Variants in NUDCD1 observed in about 807,000 individuals in gnomAD.
NUDCD1 encodes NudC domain containing 1.
In NUDCD1, 60 loss-of-function variants were observed where a neutral mutation model predicts 67.8. The observed-to-expected ratio is 0.88, with a 90% CI of 0.72 to 1.10. The LOEUF (loss-of-function observed/expected upper bound fraction) is 1.10, where lower values mean the gene tolerates loss of function less well. Among genes scored for constraint, NUDCD1 ranks in the 50% least tolerant of loss-of-function variants. The probability of loss-of-function intolerance (pLI) is 0.00; values close to 1 mark genes in which losing one functional copy is unlikely to be tolerated. For synonymous variants in NUDCD1, 244 were observed against 230.8 expected, an observed-to-expected ratio of 1.06 and a Z score of -0.52; for missense variants, 643 against 695.0, an observed-to-expected ratio of 0.93 and a Z score of 0.84.
intron 2 of NUDCD1, among the ~76,000 whole-genome samples, chr8:109,308,724 C>T (rs2130086578): frequency 6.6e-6 from 1 of 152,148 alleles, no homozygotes; most frequent in East Asian, 1.9e-4. Context: ...GTAATCCCAG[C>T]ACTTTGGGAT....
intron 7 of NUDCD1, among the ~76,000 whole-genome samples, chr8:109,274,013 T>C (rs1814219171): frequency 6.6e-6 from 1 of 152,136 alleles, no homozygotes; most frequent in Non-Finnish European, 1.5e-5. Flanking sequence ...GAAAATTCTA[T>C]AATCATTCAT....
rs576442120 is a variant in NUDCD1, at chr8:109,324,910, C to A, written c.119-2447G>T. On this transcript the variant is annotated intron_variant, in intron 1 of 9. Transcript: ENST00000239690. ...GACCATCCTGGCCAACATGATGAAA[C>A]CCCGTCTCTACTAAAAATTCAAAAA... is the stretch of plus-strand genomic sequence containing the variant. Among the ~76,000 whole-genome samples, 10 of 152,186 alleles carry A rather than the reference C, an allele frequency of 6.6e-5. No homozygotes were observed. In the East Asian group the frequency reaches 1.9e-3, roughly 29 times the overall value.
At chr8:109,304,324 C>A (rs1815056433) in intron 2 of NUDCD1, among the ~76,000 whole-genome samples, 1 of 152,214 alleles carries the variant, frequency 6.6e-6, no homozygotes, top group South Asian at 2.1e-4. Context: ...TCTGATCCAC[C>A]TGGCATTCAC....
intron 5 of NUDCD1, among the ~76,000 whole-genome samples, chr8:109,286,324 C>CA (rs1285321092): frequency 6.6e-6 from 1 of 151,882 alleles, no homozygotes; most frequent in African/African-American, 2.4e-5. Context: ...CGTACGGATC[C>CA]AAAAAAGAGC....
At chr8:109,246,851 G>C (rs373479492) in intron 8 of NUDCD1, among the ~76,000 whole-genome samples, 1 of 152,142 alleles carries the variant, frequency 6.6e-6, no homozygotes, top group East Asian at 1.9e-4. Flanking sequence ...GTGGAGACCT[G>C]ACCTGAATTC....
chr8:109,279,724 C>A (rs1002909926), intron 6 of NUDCD1, among the ~76,000 whole-genome samples: 2 of 152,086 alleles, frequency 1.3e-5, no homozygotes, highest in Admixed American at 6.6e-5. Flanking sequence ...CTCCGCCTCC[C>A]GGGTTCAAGT....
At chr8:109,245,566 T>A in intron 8 of NUDCD1, 85 bp from the exon 9 acceptor site, 1 of 1,020,060 alleles carries the variant, frequency 9.8e-7, no homozygotes, top group Non-Finnish European at 1.5e-6. Flanking sequence ...CAGCCAGCAT[T>A]AAGTGTCAGC....
Position 109,293,448 on chromosome 8 carries a change from G to C in NUDCD1, c.536C>G (p.Ser179Cys). The C allele has an allele frequency of 1.3e-6, 2 of 1,592,108 alleles. No individual in the cohort carries two copies. Among genetic ancestry groups the C allele is most frequent in the Non-Finnish European group, 8.6e-7 (1 of 1,166,350 alleles). Residue 179 changes from serine (S) to cysteine (C), a missense_variant, in exon 4 of 10, where the codon TCT (serine) becomes TGT (cysteine). Ser to Cys is a moderately radical substitution (Grantham distance 112, BLOSUM62 -1). Transcript: ENST00000239690. ...TATTCGAAGAAGTAGGGTAGCTATA[G>C]AATGTTCTTCAGCATTTAGCAGTGA... ...SISLLNAEEH[S>C]IATLLLRIEK... is the part of the protein sequence containing the mutation.
chr8:109,265,330 A>G (rs529458048), intron 8 of NUDCD1, among the ~76,000 whole-genome samples: 6 of 151,054 alleles, frequency 4.0e-5, no homozygotes, highest in South Asian at 2.1e-4. Flanking sequence ...ATATGGAGGG[A>G]AAAAAAAAGA....
chr8:109,274,214 T>G (rs1563667487), intron 7 of NUDCD1, among the ~76,000 whole-genome samples: 1 of 152,166 alleles, frequency 6.6e-6, no homozygotes, highest in Non-Finnish European at 1.5e-5. Flanking sequence ...GTAAGGCAAG[T>G]ATGAATAATT....
chr8:109,298,161 G>A (rs1201324120), intron 2 of NUDCD1, among the ~76,000 whole-genome samples: 1 of 152,134 alleles, frequency 6.6e-6, no homozygotes, highest in East Asian at 1.9e-4. Context: ...TTTGTAGAAT[G>A]ATCAAATCTG....
Position 109,271,055 on chromosome 8 carries a change from T to G in NUDCD1, c.1249A>C (p.Ser417Arg). Residue 417 changes from serine to arginine, a missense_variant, in exon 8 of 10, where the codon AGC (serine) becomes CGC (arginine). Transcript: ENST00000239690. ...LEECDIFFEE[S>R]SSLCRFDGNT... ...CCATCAAATCTGCATAAACTGGAGCTCTCTTCAAAGAAAATATCACATTCT... is the reference window on the plus strand; with the variant it reads ...CCATCAAATCTGCATAAACTGGAGCGCTCTTCAAAGAAAATATCACATTCT... 1 of 1,596,812 alleles carries G rather than the reference T, an allele frequency of 6.3e-7. No homozygotes were observed. The highest frequency in any genetic ancestry group is 8.6e-7 in the Non-Finnish European group (1 of 1,166,844).
At chr8:109,302,143 A>C (rs1415591524) in intron 2 of NUDCD1, among the ~76,000 whole-genome samples, 1 of 151,974 alleles carries the variant, frequency 6.6e-6, no homozygotes, top group Non-Finnish European at 1.5e-5. Context: ...TTCAACTCAC[A>C]CCTGACCTGA....
chr8:109,297,786 T>C (rs1479211037), intron 2 of NUDCD1, among the ~76,000 whole-genome samples: 1 of 152,166 alleles, frequency 6.6e-6, no homozygotes, highest in African/African-American at 2.4e-5. Flanking sequence ...TACAAGAGAA[T>C]ATATTTTTAA....
chr8:109,286,064 T>A (rs1814568694), intron 5 of NUDCD1, among the ~76,000 whole-genome samples: 1 of 151,300 alleles, frequency 6.6e-6, no homozygotes, highest in Non-Finnish European at 1.5e-5. Context: ...CCAATAATAA[T>A]AATAATAATA....
At chr8:109,286,933 A>G (rs1487231057) in intron 5 of NUDCD1, among the ~76,000 whole-genome samples, 4 of 152,174 alleles carry the variant, frequency 2.6e-5, no homozygotes, top group Non-Finnish European at 5.9e-5. Flanking sequence ...CACAAAACAA[A>G]TAACTCCATT....
intron 8 of NUDCD1, among the ~76,000 whole-genome samples, chr8:109,251,831 C>G (rs1813629730): frequency 6.6e-6 from 1 of 151,892 alleles, no homozygotes; most frequent in Non-Finnish European, 1.5e-5. Flanking sequence ...TTCCTAGTTT[C>G]TTAATGTGAA....
intron 2 of NUDCD1, among the ~76,000 whole-genome samples, chr8:109,308,767 C>T (rs950698071): frequency 6.6e-6 from 1 of 151,888 alleles, no homozygotes; most frequent in African/African-American, 2.4e-5. Context: ...GTCAGGAGAT[C>T]GAGACCATCC....
chr8:109,289,197 G>A (rs1441197622), intron 5 of NUDCD1, among the ~76,000 whole-genome samples: 2 of 151,764 alleles, frequency 1.3e-5, no homozygotes, highest in South Asian at 2.1e-4. Flanking sequence ...GGATGGTCTC[G>A]ATCTCCTGAC....
Sources: allele counts gnomAD v4.1 joint callset (sites outside exome capture counted in the v4.1 genomes callset), GRCh38; gene constraint gnomAD v4.1.1; transcripts MANE v1.5; gene names NCBI Gene and HGNC (gene_info 2026-07-23, HGNC 2026-07-21).